Variants in DOCK8 observed in about 807,000 individuals in gnomAD.
DOCK8 encodes the protein dedicator of cytokinesis protein 8.
In DOCK8, 141 loss-of-function variants were observed where a neutral mutation model predicts 245.6. The ratio of observed to expected loss-of-function variants is 0.57; its 90% CI spans 0.50 to 0.66. The LOEUF is 0.66. Ranked by LOEUF, DOCK8 falls within the 30% of genes least tolerant of loss-of-function variation. The pLI, the probability that DOCK8 is intolerant of heterozygous loss-of-function variation, is 0.00. For synonymous variants in DOCK8, 1,168 were observed against 970.2 expected (o/e 1.20, Z -3.79); for missense variants, 2,965 against 2,603.4 (o/e 1.14, Z -3.02).
intron 14 of DOCK8, among the ~76,000 whole-genome samples, chr9:362,425 T>C (rs991122620): frequency 1.3e-5 from 2 of 152,198 alleles, no homozygotes; most frequent in African/African-American, 4.8e-5. Context: ...CCTTTGTCAC[T>C]GGAAGCCCAC....
intron 46 of DOCK8, among the ~76,000 whole-genome samples, chr9:455,690 C>T (rs143330090): frequency 3.3e-5 from 5 of 152,066 alleles, no homozygotes; most frequent in Non-Finnish European, 7.4e-5. Flanking sequence ...TATTACCTCT[C>T]CCTCCTTCCC....
intron 15 of DOCK8, chr9:369,039 CA>C (rs1426129343): frequency 6.6e-6 from 1 of 152,026 alleles, no homozygotes; most frequent in African/African-American, 2.4e-5. Flanking sequence ...CTCCTGACCT[CA>C]GCTGATCCAC....
intron 6 of DOCK8, among the ~76,000 whole-genome samples, chr9:316,147 T>C (rs766651962): frequency 6.6e-6 from 1 of 152,206 alleles, no homozygotes; most frequent in African/African-American, 2.4e-5. Flanking sequence ...TTTGCAAGAA[T>C]GTTAAGCTTG....
chr9:404,794 C>G (rs1462443835), intron 26 of DOCK8, 124 bp from the exon 27 acceptor site: 2 of 978,312 alleles, frequency 2.0e-6, no homozygotes, highest in Non-Finnish European at 1.6e-6. Flanking sequence ...GTTGCACTAT[C>G]CCATTAGTTT....
intron 35 of DOCK8, among the ~76,000 whole-genome samples, chr9:428,848 C>T (rs2056598675): frequency 1.3e-5 from 2 of 152,196 alleles, no homozygotes; most frequent in Admixed American, 1.3e-4. Context: ...CTATGTGACG[C>T]CCATTAGTCT....
chr9:441,731 AT>A (rs1435462944), intron 41 of DOCK8, 143 bp from the exon 42 acceptor site: 12 of 1,094,300 alleles, frequency 1.1e-5, no homozygotes, highest in Admixed American at 9.8e-5. Context: ...TAAGCATTAA[AT>A]TTTTTTAAGG....
chr9:404,719 C>G (rs1458711314), intron 26 of DOCK8, among the ~76,000 whole-genome samples, 199 bp from the exon 27 acceptor site: 1 of 152,188 alleles, frequency 6.6e-6, no homozygotes, highest in East Asian at 1.9e-4. Flanking sequence ...AGGCTAGAAT[C>G]ACTAAGGGGA....
chr9:396,040 G>T (rs1376212411), intron 24 of DOCK8, among the ~76,000 whole-genome samples: 2 of 151,986 alleles, frequency 1.3e-5, no homozygotes, highest in African/African-American at 4.8e-5. Flanking sequence ...ACTAGATATA[G>T]ATAGATAATC....
At chr9:213,151 A>G (rs1259925094), upstream of DOCK8, 1 of 152,130 alleles carries the variant, frequency 6.6e-6, no homozygotes, top group Non-Finnish European at 1.5e-5. Flanking sequence ...TTGTTTTCGT[A>G]TGTAGTCTAT....
chr9:231,591 T>C (rs932163122), intron 1 of DOCK8, among the ~76,000 whole-genome samples: 1 of 152,196 alleles, frequency 6.6e-6, no homozygotes, highest in African/African-American at 2.4e-5. Flanking sequence ...CAGTGGTTTG[T>C]AGTTCTTGAA....
chr9:379,108 A>G (rs1447345552), intron 20 of DOCK8, among the ~76,000 whole-genome samples: 1 of 152,182 alleles, frequency 6.6e-6, no homozygotes, highest in African/African-American at 2.4e-5. Context: ...TGATGGGACA[A>G]TACAATGACT....
chr9:331,957 CT>C (rs2051031442), intron 9 of DOCK8, among the ~76,000 whole-genome samples: 1 of 152,180 alleles, frequency 6.6e-6, no homozygotes, highest in Non-Finnish European at 1.5e-5. Context: ...GACCATATCT[CT>C]TTTTTACATT....
intron 45 of DOCK8, 23 bp downstream of exon 45, chr9:449,950 G>C: frequency 1.9e-6 from 3 of 1,612,072 alleles, no homozygotes; most frequent in Non-Finnish European, 2.5e-6. Context: ...AGAGGTGGCA[G>C]CTCCTCTGGT....
intron 36 of DOCK8, among the ~76,000 whole-genome samples, chr9:430,669 C>CT (rs1554705355): frequency 2.2e-5 from 3 of 137,164 alleles, no homozygotes; most frequent in African/African-American, 8.5e-5. Context: ...GACCCTGTCT[C>CT]AAAAAAAAAA....
In DOCK8 at chr9:397,050, A is replaced by T. The variant is rs3818619; in HGVS notation, c.3120+116A>T. 580,645 of 1,226,660 alleles carry T rather than the reference A, an allele frequency of 0.47. 142,402 individuals carry two copies. Among genetic ancestry groups the T allele is most frequent in the East Asian group, 0.79 (31,120 of 39,458 alleles). 76.0% of individuals were successfully genotyped at this position (1,226,660 alleles called of 1,614,324 possible). ...CAATAATTAAAATATAACTGTAATG[A>T]CAGTTAAACGCAGTATGTTATACTG... is the stretch of plus-strand genomic sequence containing the variant. On this transcript the variant is annotated intron_variant, in intron 25 of 47. Transcript: ENST00000432829.
At chr9:218,563 T>C (rs1216791248) in intron 1 of DOCK8, among the ~76,000 whole-genome samples, 1 of 152,196 alleles carries the variant, frequency 6.6e-6, no homozygotes, top group Non-Finnish European at 1.5e-5. Context: ...AACATGGTAC[T>C]TGTGGGAACA....
In DOCK8 at chr9:390,543, G is replaced by T. The variant is rs946702853; in HGVS notation, c.2947G>T (p.Ala983Ser). 6.2e-7 allele frequency: 1 copy of T among 1,614,192 alleles called. No individual in the cohort carries two copies. The highest frequency in any genetic ancestry group is 8.5e-7 in the Non-Finnish European group (1 of 1,180,008). ...GMVRETVFKY[A>S]WFFFELLVKS... ...GGTGAGAGAAACAGTCTTCAAGTAT[G>T]CCTGGTTCTTCTTTGAGCTTCTGGT... The change falls in exon 24 of 48, where the codon GCC (alanine) becomes TCC (serine). Residue 983 changes from alanine (A) to serine (S), a missense_variant. By Grantham distance (99) the Ala-to-Ser change is moderately conservative (BLOSUM62 1). Transcript: ENST00000432829.
intron 20 of DOCK8, 22 bp downstream of exon 20, chr9:377,233 C>T: frequency 6.4e-7 from 1 of 1,552,648 alleles, no homozygotes; most frequent in Non-Finnish European, 8.7e-7. Context: ...CAGGGCTGGG[C>T]TGGGAGGAGG....
At chr9:245,553 A>T (rs898221162) in intron 1 of DOCK8, among the ~76,000 whole-genome samples, 3 of 152,124 alleles carry the variant, frequency 2.0e-5, no homozygotes, top group African/African-American at 4.8e-5. Flanking sequence ...CTCAGAATAC[A>T]TCTCTAATGA....
Sources: allele counts gnomAD v4.1 joint callset (sites outside exome capture counted in the v4.1 genomes callset), GRCh38; gene constraint gnomAD v4.1.1; transcripts MANE v1.5; gene names NCBI Gene and HGNC (gene_info 2026-07-23, HGNC 2026-07-21).